TXNDC8: variants seen among roughly 807,000 people sequenced by gnomAD.
TXNDC8 encodes the protein thioredoxin domain containing 8.
Under a neutral mutation model 12.9 loss-of-function variants are expected in TXNDC8, and 15 were observed. The observed-to-expected ratio is 1.16, with a 90% CI of 0.78 to 1.79. The LOEUF is 1.79. Among genes scored for constraint, TXNDC8 ranks in the 40% most tolerant of loss-of-function variants. The pLI is 0.00. For missense variants in TXNDC8, 128 were observed against 113.2 expected, an observed-to-expected ratio of 1.13 and a Z score of -0.59; for synonymous variants, 40 against 35.4, an observed-to-expected ratio of 1.13 and a Z score of -0.46.
intron 3 of TXNDC8, among the ~76,000 whole-genome samples, chr9:110,310,836 G>A (rs1028192818): frequency 6.6e-6 from 1 of 152,164 alleles, no homozygotes; most frequent in African/African-American, 2.4e-5. Context: ...ATTTGGCATA[G>A]GGGTTACAAA....
downstream of TXNDC8, among the ~76,000 whole-genome samples, chr9:110,301,356 C>T (rs1003102974): frequency 5.3e-5 from 8 of 152,190 alleles, no homozygotes; most frequent in African/African-American, 1.7e-4. Context: ...AGGATATTGT[C>T]TAGCAAGTAC....
At chr9:110,326,931 G>A (rs1839342505) in intron 2 of TXNDC8, among the ~76,000 whole-genome samples, 2 of 73,554 alleles carry the variant, frequency 2.7e-5, no homozygotes, top group African/African-American at 1.1e-4. Flanking sequence ...CTCTTGCCCT[G>A]CTACTCATGC....
chr9:110,317,662 A>G (rs956685581), intron 3 of TXNDC8, among the ~76,000 whole-genome samples: 1 of 152,236 alleles, frequency 6.6e-6, no homozygotes, highest in Admixed American at 6.5e-5. Context: ...GGTCACCCCA[A>G]TGTCTAGGCT....
chr9:110,306,662 C>T (rs1369721745), intron 3 of TXNDC8, among the ~76,000 whole-genome samples: 2 of 152,226 alleles, frequency 1.3e-5, no homozygotes, highest in Non-Finnish European at 2.9e-5. Context: ...CTCATGAGCT[C>T]ATCTGCTAGT....
chr9:110,318,506 GC>G (rs1482581249), intron 3 of TXNDC8, among the ~76,000 whole-genome samples: 2 of 152,148 alleles, frequency 1.3e-5, no homozygotes, highest in Non-Finnish European at 2.9e-5. Flanking sequence ...GGAGGCCGAG[GC>G]AGGTGGATCA....
chr9:110,335,340 C>T (rs1218271858), intron 1 of TXNDC8, among the ~76,000 whole-genome samples: 2 of 152,034 alleles, frequency 1.3e-5, no homozygotes, highest in Non-Finnish European at 2.9e-5. Context: ...GGACTCAAGC[C>T]ATCCTCCCAC....
chr9:110,336,645 A>AACAAAACAAC (rs530582345), intron 1 of TXNDC8, among the ~76,000 whole-genome samples: 184 of 152,328 alleles, frequency 1.2e-3, no homozygotes, highest in African/African-American at 4.4e-3. Flanking sequence ...AACAAAACAA[A>AACAAAACAAC]ACAAAACAAA....
At chr9:110,315,800 A>C (rs1465483282) in intron 3 of TXNDC8, among the ~76,000 whole-genome samples, 1 of 121,580 alleles carries the variant, frequency 8.2e-6, no homozygotes, top group Non-Finnish European at 1.6e-5. Flanking sequence ...GGTGTGAGCC[A>C]CTGTGCCCAG....
At chr9:110,305,215 GA>G (rs961193645) in intron 3 of TXNDC8, among the ~76,000 whole-genome samples, 1 of 140,312 alleles carries the variant, frequency 7.1e-6, no homozygotes, top group South Asian at 2.4e-4. Context: ...TTAAAAAATA[GA>G]AAAAAAGAAA....
rs779780931 is a variant in TXNDC8, at chr9:110,304,502, T to A, written c.226A>T (p.Ile76Phe). The change falls in exon 4 of 5, where the codon ATT becomes TTT. Residue 76 changes from isoleucine (I) to phenylalanine (F), a missense_variant. Transcript: ENST00000423740. The stretch of plus-strand genomic sequence containing the variant: ...ATGAATCCACTTCTATAACAGCAAA[T>A]TATTCTTTTGATTCTTGAGAATAGG... 5 of 1,610,516 alleles carry A rather than the reference T, an allele frequency of 3.1e-6. No homozygotes were observed. The highest frequency in any genetic ancestry group is 3.4e-6 in the Non-Finnish European group (4 of 1,177,742).
chr9:110,314,438 C>CTTTTTTT (rs568341622), intron 3 of TXNDC8, among the ~76,000 whole-genome samples: 4 of 124,668 alleles, frequency 3.2e-5, no homozygotes, highest in African/African-American at 1.2e-4. Flanking sequence ...TTTCTTTTTT[C>CTTTTTTT]TTTTTTTTTT....
intron 2 of TXNDC8, among the ~76,000 whole-genome samples, chr9:110,328,353 G>A (rs1044255745): frequency 6.6e-6 from 1 of 152,076 alleles, no homozygotes; most frequent in African/African-American, 2.4e-5. Flanking sequence ...ATTATTTTTT[G>A]GGGGGATGGG....
At chr9:110,320,185 A>G (rs1420487378) in intron 3 of TXNDC8, among the ~76,000 whole-genome samples, 1 of 152,208 alleles carries the variant, frequency 6.6e-6, no homozygotes, top group African/African-American at 2.4e-5. Flanking sequence ...CTCCATAGAC[A>G]TACACCAACC....
chr9:110,334,183 T>G, intron 2 of TXNDC8, 33 bp downstream of exon 2: 1 of 1,489,650 alleles, frequency 6.7e-7, no homozygotes, highest in East Asian at 2.3e-5. Context: ...AAATTTCTTC[T>G]GAAACTATGA....
chr9:110,302,131 A>G (rs991709216), downstream of TXNDC8, among the ~76,000 whole-genome samples: 1 of 151,886 alleles, frequency 6.6e-6, no homozygotes, highest in Non-Finnish European at 1.5e-5. Flanking sequence ...CTGGGACTAC[A>G]GGCATGAACT....
At chr9:110,325,962 T>G (rs1288458163) in intron 3 of TXNDC8, among the ~76,000 whole-genome samples, 2 of 152,200 alleles carry the variant, frequency 1.3e-5, no homozygotes, top group African/African-American at 4.8e-5. Flanking sequence ...ATGGGGAGAT[T>G]TATTAATAAG....
At chr9:110,329,205 T>A (rs762480019) in intron 2 of TXNDC8, 27 bp downstream of exon 3, 6 of 1,599,446 alleles carry the variant, frequency 3.8e-6, no homozygotes, top group Non-Finnish European at 5.1e-6. Flanking sequence ...ATTTTGAGTA[T>A]GTGCACAGAA....
chr9:110,326,304 T>C, intron 2 of TXNDC8, 64 bp from the exon 4 acceptor site: 1 of 1,560,358 alleles, frequency 6.4e-7, no homozygotes, highest in Non-Finnish European at 8.8e-7. Context: ...ACCAAGCATG[T>C]TATTTGGTAA....
At chr9:110,336,064 C>T (rs575712013) in intron 1 of TXNDC8, among the ~76,000 whole-genome samples, 1 of 152,196 alleles carries the variant, frequency 6.6e-6, no homozygotes, top group Non-Finnish European at 1.5e-5. Flanking sequence ...TTCCCCTGCA[C>T]ACGCTGTCTT....
Sources: gnomAD v4.1 joint callset for allele counts (sites outside exome capture counted in the v4.1 genomes callset) on GRCh38, gnomAD v4.1.1 for gene constraint, MANE v1.5 for transcripts, NCBI Gene and HGNC (gene_info 2026-07-23, HGNC 2026-07-21) for gene names.